Variants in ADGRL3 observed in about 807,000 individuals in gnomAD.
ADGRL3 encodes the protein adhesion G protein-coupled receptor L3.
ADGRL3 carries 62 observed loss-of-function variants against 153.5 expected under a neutral mutation model. That is an observed-to-expected ratio of 0.40 (90% CI 0.33 to 0.50). The LOEUF is 0.50. Ranked by LOEUF, ADGRL3 falls within the 20% of genes least tolerant of loss-of-function variation. The pLI is 0.47. For missense variants in ADGRL3, 1,641 were observed against 1,859.4 expected (o/e 0.88, Z 2.16); for synonymous variants, 710 against 672.5 (o/e 1.06, Z -0.86).
At chr4:61,447,695 T>C (rs1262517977) in intron 2 of ADGRL3, among the ~76,000 whole-genome samples, 1 of 152,202 alleles carries the variant, frequency 6.6e-6, no homozygotes, top group African/African-American at 2.4e-5. Context: ...GTATAATCTG[T>C]TTGAAACATG....
intron 13 of ADGRL3, among the ~76,000 whole-genome samples, chr4:61,916,457 A>T (rs975449674): frequency 6.6e-6 from 1 of 152,108 alleles, no homozygotes; most frequent in Non-Finnish European, 1.5e-5. Flanking sequence ...GAGCATAGTG[A>T]AAACCATGTC....
intron 19 of ADGRL3, among the ~76,000 whole-genome samples, chr4:61,985,468 A>G (rs998369074): frequency 6.6e-6 from 1 of 152,118 alleles, no homozygotes; most frequent in African/African-American, 2.4e-5. Flanking sequence ...AGCCAATTAG[A>G]CATTAATAAA....
intron 1 of ADGRL3, among the ~76,000 whole-genome samples, chr4:61,338,814 T>G (rs1040502876): frequency 1.3e-5 from 2 of 152,184 alleles, no homozygotes; most frequent in Non-Finnish European, 2.9e-5. Context: ...AGCATCATAA[T>G]GAACATTTTG....
At chr4:61,649,986 C>T (rs2094186733) in intron 5 of ADGRL3, among the ~76,000 whole-genome samples, 1 of 152,088 alleles carries the variant, frequency 6.6e-6, no homozygotes, top group Non-Finnish European at 1.5e-5. Context: ...TTTACTGTGA[C>T]ATTTTTCAGG....
chr4:61,982,472 C>G (rs957157565), intron 18 of ADGRL3, among the ~76,000 whole-genome samples: 80 of 152,234 alleles, frequency 5.3e-4, no homozygotes, highest in African/African-American at 1.9e-3. Context: ...AAGGATCATA[C>G]TCATCAATGA....
chr4:61,319,046 G>C (rs1466065859), intron 1 of ADGRL3, among the ~76,000 whole-genome samples: 2 of 152,122 alleles, frequency 1.3e-5, no homozygotes, highest in Non-Finnish European at 2.9e-5. Context: ...TAATTGGCTT[G>C]TTCAAGATGA....
At chr4:61,280,395 C>G (rs908910948) in intron 1 of ADGRL3, among the ~76,000 whole-genome samples, 25 of 140,030 alleles carry the variant, frequency 1.8e-4, no homozygotes, top group Admixed American at 9.9e-4. Context: ...GCATGAGCCA[C>G]TGCGCCTGGC....
chr4:61,357,606 T>G (rs2096200523), intron 1 of ADGRL3, among the ~76,000 whole-genome samples: 1 of 152,162 alleles, frequency 6.6e-6, no homozygotes, highest in Non-Finnish European at 1.5e-5. Flanking sequence ...TTTTACATTT[T>G]CTATATTGAC....
intron 17 of ADGRL3, among the ~76,000 whole-genome samples, chr4:61,965,595 A>T (rs28447188): frequency 0.097 from 14,776 of 151,792 alleles, 1,075 homozygotes; most frequent in Middle Eastern, 0.2. Flanking sequence ...TAAAAATACA[A>T]AAAAAATTAG....
intron 2 of ADGRL3, among the ~76,000 whole-genome samples, chr4:61,420,988 T>G (rs562695457): frequency 6.6e-6 from 1 of 152,216 alleles, no homozygotes; most frequent in South Asian, 2.1e-4. Context: ...TAACCTGGGG[T>G]AAAATACTTG....
Position 61,861,433 on chromosome 4 carries a change from G to C in ADGRL3, c.1481-31223G>C, listed in dbSNP as rs770467996. Reference sequence around the variant, plus strand: ...GGTTGCATTGAATCAAGGAATTAATGGGTTGGAAAATTAAACCAAGAAATA... The same window carrying C: ...GGTTGCATTGAATCAAGGAATTAATCGGTTGGAAAATTAAACCAAGAAATA... On this transcript the variant is annotated intron_variant, in intron 9 of 26. Coordinates refer to ENST00000683033, the MANE Select transcript of ADGRL3 (RefSeq NM_001387552.1). Among the ~76,000 whole-genome samples the C allele has an allele frequency of 1.8e-4, 28 of 152,148 alleles. 1 individual carries two copies. The Middle Eastern group carries it at 0.01, about 55-fold the overall frequency.
intron 9 of ADGRL3, among the ~76,000 whole-genome samples, chr4:61,817,907 C>A (rs2097706256): frequency 6.6e-6 from 1 of 152,054 alleles, no homozygotes; most frequent in Admixed American, 6.6e-5. Flanking sequence ...GGGTCCCTCC[C>A]ACAACACATG....
At chr4:62,053,691 TC>T (rs1735483602) in intron 25 of ADGRL3, among the ~76,000 whole-genome samples, 1 of 151,602 alleles carries the variant, frequency 6.6e-6, no homozygotes, top group Non-Finnish European at 1.5e-5. Context: ...AAATAAGCCT[TC>T]TGTAACATTA....
At chr4:61,828,233 A>G (rs2097831427) in intron 9 of ADGRL3, among the ~76,000 whole-genome samples, 2 of 152,166 alleles carry the variant, frequency 1.3e-5, no homozygotes, top group South Asian at 4.1e-4. Flanking sequence ...CTGTTCATTT[A>G]AGAGGGAACC....
chr4:61,582,619 G>A (rs991304674), intron 4 of ADGRL3, among the ~76,000 whole-genome samples: 5 of 151,222 alleles, frequency 3.3e-5, no homozygotes, highest in Non-Finnish European at 4.4e-5. Flanking sequence ...TGACTGGATC[G>A]CTAAATATGT....
At chr4:61,395,706 A>T (rs2096860548) in intron 2 of ADGRL3, among the ~76,000 whole-genome samples, 1 of 151,996 alleles carries the variant, frequency 6.6e-6, no homozygotes, top group Middle Eastern at 3.2e-3. Context: ...CATTGAAAAA[A>T]ATAGCCAATT....
intron 8 of ADGRL3, among the ~76,000 whole-genome samples, chr4:61,787,658 CTCT>C (rs1360293430): frequency 6.6e-6 from 1 of 151,978 alleles, no homozygotes; most frequent in Non-Finnish European, 1.5e-5. Context: ...AAAATATATT[CTCT>C]TCTTTTTTGT....
At chr4:61,770,495 A>T (rs2097071570) in intron 8 of ADGRL3, among the ~76,000 whole-genome samples, 1 of 152,194 alleles carries the variant, frequency 6.6e-6, no homozygotes, top group South Asian at 2.1e-4. Context: ...CATATCTATT[A>T]TCATAGATTT....
In ADGRL3 at chr4:61,361,403, G is replaced by A. The variant is rs546469613; in HGVS notation, c.-239-21721G>A. Reference sequence around the variant, plus strand: ...AAGCATCATTGAAATATCTGCTTTTGAGTTGAGCCTTAAAGTATAAATAAC... The same window carrying A: ...AAGCATCATTGAAATATCTGCTTTTAAGTTGAGCCTTAAAGTATAAATAAC... On this transcript the variant is annotated intron_variant, in intron 1 of 26. Coordinates refer to ENST00000683033, the MANE Select transcript of ADGRL3 (RefSeq NM_001387552.1). Among the ~76,000 whole-genome samples, 14 of 152,288 alleles carry A rather than the reference G, an allele frequency of 9.2e-5. No homozygotes were observed. The East Asian group carries it at 2.5e-3, about 27-fold the overall frequency.
Sources: gnomAD v4.1 joint callset for allele counts (sites outside exome capture counted in the v4.1 genomes callset) on GRCh38, gnomAD v4.1.1 for gene constraint, MANE v1.5 for transcripts, NCBI Gene and HGNC (gene_info 2026-07-23, HGNC 2026-07-21) for gene names.